AXL: variants seen among roughly 807,000 people sequenced by gnomAD.
AXL encodes the protein tyrosine-protein kinase receptor UFO.
In AXL, 52 loss-of-function variants were observed where a neutral mutation model predicts 104.5. The ratio of observed to expected loss-of-function variants is 0.50; its 90% confidence interval spans 0.40 to 0.63. AXL has a LOEUF of 0.63. AXL is among the 20% of genes least tolerant of loss of function. The probability of loss-of-function intolerance (pLI) is 0.00; values close to 1 mark genes in which losing one functional copy is unlikely to be tolerated. For synonymous variants in AXL, 455 were observed against 473.7 expected, an observed-to-expected ratio of 0.96 and a Z score of 0.51; for missense variants, 1,024 against 1,188.5, an observed-to-expected ratio of 0.86 and a Z score of 2.04.
intron 10 of AXL, among the ~76,000 whole-genome samples, chr19:41,240,782 C>A (rs977727742): frequency 6.6e-6 from 1 of 152,128 alleles, no homozygotes; most frequent in Non-Finnish European, 1.5e-5. Flanking sequence ...ACCTTGTATG[C>A]ACTTACCATA....
chr19:41,247,343 G>A (rs760605952), intron 12 of AXL, among the ~76,000 whole-genome samples: 1 of 152,036 alleles, frequency 6.6e-6, no homozygotes, highest in South Asian at 2.1e-4. Flanking sequence ...GAGAAACCCC[G>A]TCTCTACTAA....
chr19:41,222,914 A>G (rs1379054422), intron 4 of AXL, among the ~76,000 whole-genome samples: 1 of 150,832 alleles, frequency 6.6e-6, no homozygotes, highest in Non-Finnish European at 1.5e-5. Context: ...TCAAAAGAAA[A>G]AAAAAAAAAA....
At chr19:41,242,237 C>T (rs1025704542) in intron 10 of AXL, among the ~76,000 whole-genome samples, 11 of 151,584 alleles carry the variant, frequency 7.3e-5, no homozygotes, top group South Asian at 4.2e-4. Context: ...AAACTGCAAA[C>T]GCCCAAACAG....
Position 41,256,506 on chromosome 19 carries a change from C to G in AXL, c.2091C>G (p.Ile697Met). 6.2e-7 allele frequency: 1 copy of G among 1,614,172 alleles called. No individual in the cohort carries two copies. Among genetic ancestry groups the G allele is most frequent in the South Asian group, 1.1e-5 (1 of 91,076 alleles). The change falls in exon 18 of 20, where the codon ATC becomes ATG. Residue 697 changes from isoleucine to methionine, a missense_variant. By Grantham distance (10) the Ile-to-Met change is conservative (BLOSUM62 1). Transcript: ENST00000301178. ...CVADFGLSKKIYNGDYYRQGR... is the reference protein window; with the variant it reads ...CVADFGLSKKMYNGDYYRQGR... The stretch of plus-strand genomic sequence containing the variant: ...CGGACTTCGGGCTCTCCAAGAAGAT[C>G]TACAATGGGGACTACTACCGCCAGG...
At chr19:41,243,563 A>C in intron 11 of AXL, 53 bp from the exon 12 acceptor site, 141 of 1,367,006 alleles carry the variant, frequency 1.0e-4, no homozygotes, top group Non-Finnish European at 1.4e-4. Context: ...CTGGTTGAGT[A>C]GGGGGTTCCA....
In AXL at chr19:41,257,993, C is replaced by T. The variant is rs377583292; in HGVS notation, c.2333+364C>T. On this transcript the variant is annotated intron_variant, in intron 19 of 19. Coordinates refer to ENST00000301178, the MANE Select transcript of AXL (RefSeq NM_021913.5). ...GACTCCTGAGCACACCATGCTTCCC[C>T]GACATGCTCCTCAACACCTGAGACT... 1.3e-3 allele frequency among the ~76,000 whole-genome samples: 191 copies of T among 152,336 alleles called. 7 individuals carry two copies. The South Asian group carries it at 0.038, about 30-fold the overall frequency.
At position 41,239,695 on chromosome 19, in the gene AXL, G is replaced by A. The variant is rs776009549; in HGVS notation, c.1287G>A (p.Gly429=). The A allele has an allele frequency of 1.1e-5, 18 of 1,613,964 alleles. No homozygotes were observed. In the South Asian group the frequency reaches 1.9e-4, roughly 17 times the overall value. Residue 429 remains glycine, a splice_region_variant and synonymous_variant, in exon 10 of 20, where the codon GGG becomes GGA. Coordinates refer to ENST00000301178, the MANE Select transcript of AXL (RefSeq NM_021913.5). ...CCTCTCTGTCCTTTCTTCTCACAGG[G>A]CAAGCACAGCCAGTCCACCAGCTGG... ...LPVPLEAWRP[G]QAQPVHQLVK... is the part of the protein sequence containing the mutation.
chr19:41,237,929 C>G lies in AXL; in HGVS notation c.784-15C>G. ...TGCTTGGCTGTCCCGTCCTCACACC[C>G]TTGCCTCTCCTCAGGCTGTGCTGTC... On this transcript the variant is annotated splice_polypyrimidine_tract_variant and intron_variant, in intron 6 of 19. Coordinates refer to ENST00000301178, the MANE Select transcript of AXL (RefSeq NM_021913.5). 1.2e-6 allele frequency: 2 copies of G among 1,612,146 alleles called. No homozygotes were observed. Among genetic ancestry groups the G allele is most frequent in the African/African-American group, 1.3e-5 (1 of 74,978 alleles).
At chr19:41,252,243 T>C (rs2122274677) in intron 14 of AXL, 108 bp from the exon 15 acceptor site, 1 of 934,550 alleles carries the variant, frequency 1.1e-6, no homozygotes, top group Non-Finnish European at 1.7e-6. Context: ...CTAATCATGT[T>C]TGATGAAGAT....
At chr19:41,242,857 G>T (rs1437721154) in intron 10 of AXL, 26 bp from the exon 11 acceptor site, 4 of 1,613,788 alleles carry the variant, frequency 2.5e-6, no homozygotes, top group Non-Finnish European at 1.7e-6. Flanking sequence ...CTTCATCCAT[G>T]ACCTGTTCCT....
At position 41,243,607 on chromosome 19, in the gene AXL, C is replaced by T. The variant is rs139678321; in HGVS notation, c.1446-9C>T. ...TTCCCTGCCCTCACCTACTCCCCCT[C>T]CCCCCCAGAGAAGTGTTTGAACCAA... On this transcript the variant is annotated splice_polypyrimidine_tract_variant and intron_variant, in intron 11 of 19. Transcript: ENST00000301178. The T allele has an allele frequency of 1.4e-4, 226 of 1,607,270 alleles. 3 individuals are homozygous for T. In the Admixed American group the frequency reaches 2.5e-3, roughly 18 times the overall value.
At chr19:41,226,868 A>G in intron 4 of AXL, 2 of 905,530 alleles carry the variant, frequency 2.2e-6, no homozygotes, top group Non-Finnish European at 2.6e-6. Context: ...CCGAGGCGGG[A>G]GGATCGCTTG....
chr19:41,237,359 C>T (rs1375476789), intron 6 of AXL, among the ~76,000 whole-genome samples: 5 of 152,182 alleles, frequency 3.3e-5, no homozygotes, highest in African/African-American at 1.2e-4. Context: ...TCTCCTATCG[C>T]AGCCTCCCGA....
intron 4 of AXL, among the ~76,000 whole-genome samples, chr19:41,230,522 T>TTG (rs752951332): frequency 6.8e-6 from 1 of 146,928 alleles, no homozygotes; most frequent in Admixed American, 6.8e-5. Context: ...CTGTGTGTCT[T>TTG]TGTGTGTGTC....
chr19:41,221,079 T>C, intron 2 of AXL, 67 bp from the exon 3 acceptor site: 1 of 1,458,932 alleles, frequency 6.9e-7, no homozygotes, highest in East Asian at 2.3e-5. Context: ...CTTTCCGTTC[T>C]GACAGACCCC....
chr19:41,222,156 CCTT>C (rs1328736689), intron 4 of AXL, 100 bp downstream of exon 4: 2 of 1,248,682 alleles, frequency 1.6e-6, no homozygotes, highest in African/African-American at 1.5e-5. Flanking sequence ...GTCTGACTGT[CCTT>C]CTGTCCCTCA....
chr19:41,236,627 G>A (rs112765629), intron 6 of AXL, among the ~76,000 whole-genome samples: 3,963 of 151,242 alleles, frequency 0.026, 183 homozygotes, highest in African/African-American at 0.091. Context: ...CTGAAAATAC[G>A]GCAATTAGTC....
At chr19:41,239,769 G>C (rs1457269657) in intron 10 of AXL, 49 bp downstream of exon 10, 5 of 1,605,916 alleles carry the variant, frequency 3.1e-6, no homozygotes, top group Non-Finnish European at 4.3e-6. Flanking sequence ...TCAACACCTA[G>C]TGGGGGCACT....
At chr19:41,241,496 A>G (rs1028169523) in intron 10 of AXL, among the ~76,000 whole-genome samples, 2 of 149,578 alleles carry the variant, frequency 1.3e-5, no homozygotes, top group Middle Eastern at 3.5e-3. Context: ...GTGAGCCAAG[A>G]TCATGCCACT....
Sources: allele counts gnomAD v4.1 joint callset (sites outside exome capture counted in the v4.1 genomes callset), GRCh38; gene constraint gnomAD v4.1.1; transcripts MANE v1.5; gene names NCBI Gene and HGNC (gene_info 2026-07-23, HGNC 2026-07-21).